The following CMC2 variants were observed in gnomAD, a reference collection of about 807,000 sequenced individuals.
CMC2 encodes the protein COX assembly mitochondrial protein 2 homolog.
A neutral mutation model predicts 7.5 loss-of-function variants in CMC2; 5 were observed. The observed-to-expected ratio is 0.66, with a 90% CI of 0.35 to 1.40. The LOEUF is 1.40. Among genes scored for constraint, CMC2 ranks in the 40% most tolerant of loss-of-function variants. The probability of loss-of-function intolerance (pLI) is 0.04; values close to 1 mark genes in which losing one functional copy is unlikely to be tolerated. For synonymous variants in CMC2, 37 were observed against 31.4 expected (o/e 1.18, Z -0.60); for missense variants, 115 against 92.3 (o/e 1.25, Z -1.01).
chr16:80,987,310 G>A (rs1967618631), intron 2 of CMC2, among the ~76,000 whole-genome samples: 1 of 152,110 alleles, frequency 6.6e-6, no homozygotes, highest in Non-Finnish European at 1.5e-5. Flanking sequence ...GAGAAAAAGG[G>A]AAAATACAAA....
At chr16:80,992,254 A>C (rs115234409) in intron 2 of CMC2, among the ~76,000 whole-genome samples, 2,127 of 152,318 alleles carry the variant, frequency 0.014, 47 homozygotes, top group African/African-American at 0.048. Context: ...AGGTCGTTCA[A>C]CTACTTTACG....
intron 2 of CMC2, among the ~76,000 whole-genome samples, chr16:80,992,930 G>A (rs995944548): frequency 6.6e-6 from 1 of 151,956 alleles, no homozygotes; most frequent in Non-Finnish European, 1.5e-5. Context: ...GGCCTCAAAC[G>A]ATCCTTTATC....
rs1912247951 is a variant in CMC2, at chr16:80,975,791, GGA to G, written c.*300_*301del. The G allele has an allele frequency of 5.1e-6, 1 of 194,236 alleles. No individual in the cohort carries two copies. Among genetic ancestry groups the G allele is most frequent in the Non-Finnish European group, 1.0e-5 (1 of 96,012 alleles). 12.0% of individuals were successfully genotyped at this position (194,236 alleles called of 1,614,324 possible). ...TAATGCCAAAAGAATCTAAGAGAAAGGAGAAAAAAATTATTTAAATTATTTTA... is the reference window on the plus strand; with the variant it reads ...TAATGCCAAAAGAATCTAAGAGAAAGGAAAAAAATTATTTAAATTATTTTA... On this transcript the variant is annotated 3_prime_UTR_variant, in exon 4 of 4. Coordinates refer to ENST00000219400, the MANE Select transcript of CMC2 (RefSeq NM_020188.5).
At chr16:80,983,201 G>C (rs1326399801) in intron 2 of CMC2, 1 of 151,560 alleles carries the variant, frequency 6.6e-6, no homozygotes, top group African/African-American at 2.4e-5. Flanking sequence ...CTATCAGTAA[G>C]GCTTTCAGAC....
chr16:80,980,003 T>C (rs1567507910), intron 3 of CMC2, among the ~76,000 whole-genome samples: 1 of 151,066 alleles, frequency 6.6e-6, no homozygotes, highest in Non-Finnish European at 1.5e-5. Context: ...ACTGCAGCCA[T>C]GAACTCCTGG....
chr16:81,006,385 G>C (rs1411005012), intron 1 of CMC2: 2 of 152,226 alleles, frequency 1.3e-5, no homozygotes, highest in African/African-American at 2.4e-5. Context: ...CTGTGTTGAG[G>C]GCTCCATTCC....
chr16:80,978,225 A>C, intron 3 of CMC2: 1 of 1,033,040 alleles, frequency 9.7e-7, no homozygotes, highest in Non-Finnish European at 1.2e-6. Context: ...GCTCTGAGAA[A>C]AAGCTTTCAT....
intron 1 of CMC2, among the ~76,000 whole-genome samples, chr16:81,001,680 A>T (rs1251599503): frequency 6.6e-6 from 1 of 151,576 alleles, no homozygotes; most frequent in Non-Finnish European, 1.5e-5. Context: ...TCAAGCTGTT[A>T]AAAAAAAACC....
intron 2 of CMC2, among the ~76,000 whole-genome samples, chr16:80,987,998 G>C (rs1006697414): frequency 2.0e-5 from 3 of 151,518 alleles, no homozygotes; most frequent in Non-Finnish European, 4.4e-5. Context: ...CAACACAGGA[G>C]AGCCTGTCTC....
rs745925758 is a variant in CMC2, at chr16:80,975,769, T to C, written c.*324A>G. 10 of 176,426 alleles carry C rather than the reference T, an allele frequency of 5.7e-5. No homozygotes were observed. Among genetic ancestry groups the C allele is most frequent in the Admixed American group, 1.7e-4 (3 of 17,230 alleles). The allele number at this position is 176,426 out of a possible 1,614,324, so 10.9% of individuals were successfully genotyped here. On this transcript the variant is annotated 3_prime_UTR_variant, in exon 4 of 4. Transcript: ENST00000219400. ...GCCTAATGGCAACATTTTCCTCTAA[T>C]GCCAAAAGAATCTAAGAGAAAGGAG...
chr16:80,987,101 T>G (rs889343932), intron 2 of CMC2, among the ~76,000 whole-genome samples: 2 of 152,200 alleles, frequency 1.3e-5, no homozygotes, highest in African/African-American at 4.8e-5. Context: ...AGTAGTGCAG[T>G]CATTAGTGAT....
At position 80,969,796 on chromosome 16, in the gene CMC2, A is replaced by G. The variant is rs1044194474; in HGVS notation, c.*6297T>C. ...TCCCAGCTACTTGGGAGGCTGAGGC[A>G]CAAGAATCACTTGAACCCAGGCAGC... On this transcript the variant is annotated 3_prime_UTR_variant, in exon 4 of 4. Coordinates refer to ENST00000219400, the MANE Select transcript of CMC2 (RefSeq NM_020188.5). The G allele has an allele frequency of 6.8e-6, 1 of 146,050 alleles. No homozygotes were observed. Among genetic ancestry groups the G allele is most frequent in the Non-Finnish European group, 1.5e-5 (1 of 67,716 alleles). 9.0% of individuals were successfully genotyped at this position (146,050 alleles called of 1,614,324 possible).
chr16:81,002,722 T>A (rs574067775), intron 1 of CMC2, among the ~76,000 whole-genome samples: 1 of 152,314 alleles, frequency 6.6e-6, no homozygotes, highest in African/African-American at 2.4e-5. Context: ...CAAATACATA[T>A]GCTATTGTCA....
chr16:80,979,918 G>A (rs556838724), intron 3 of CMC2, among the ~76,000 whole-genome samples: 49 of 151,834 alleles, frequency 3.2e-4, no homozygotes, highest in Non-Finnish European at 5.3e-4. Flanking sequence ...CACCACACCC[G>A]GCCAATATTA....
Position 80,976,182 on chromosome 16 carries a change from G to GA in CMC2, c.154-4dup. 6.5e-7 allele frequency: 1 copy of GA among 1,538,684 alleles called. No individual in the cohort carries two copies. The highest frequency in any genetic ancestry group is 8.9e-7 in the Non-Finnish European group (1 of 1,123,692). On this transcript the variant is annotated splice_region_variant and splice_polypyrimidine_tract_variant and intron_variant, in intron 3 of 3. Transcript: ENST00000219400. ...CTCTTGGTCCTGTTTTCTACGTACT[G>GA]AAAAATAAAAGAAGGGGGGGAGAAA...
chr16:80,978,332 CAATAA>C, intron 3 of CMC2: 1 of 1,260,918 alleles, frequency 7.9e-7, no homozygotes, highest in Non-Finnish European at 1.0e-6. Context: ...TGTAGCAGGC[CAATAA>C]AATAAGTTAC....
chr16:80,988,236 G>A (rs151300364), intron 2 of CMC2, among the ~76,000 whole-genome samples: 39 of 152,212 alleles, frequency 2.6e-4, no homozygotes, highest in African/African-American at 8.4e-4. Flanking sequence ...CAGAATTATG[G>A]TTGTTTTAAG....
In CMC2 at chr16:80,967,817, G is replaced by C. The variant is rs1201401362; in HGVS notation, c.*8276C>G. 1.3e-5 allele frequency: 2 copies of C among 152,184 alleles called. No homozygotes were observed. The highest frequency in any genetic ancestry group is 4.8e-5 in the African/African-American group (2 of 41,444). 9.4% of individuals were successfully genotyped at this position (152,184 alleles called of 1,614,324 possible). On this transcript the variant is annotated 3_prime_UTR_variant, in exon 4 of 4. Coordinates refer to ENST00000219400, the MANE Select transcript of CMC2 (RefSeq NM_020188.5). Reference sequence around the variant, plus strand: ...CTTTCTTAGCCCTCTACTCGCCAGAGTTGAGGAAAAAGTAAATGCCCTGAG... The same window carrying C: ...CTTTCTTAGCCCTCTACTCGCCAGACTTGAGGAAAAAGTAAATGCCCTGAG...
chr16:80,972,696 T>C lies in CMC2; in HGVS notation c.*3397A>G, dbSNP rs1206584046. On this transcript the variant is annotated 3_prime_UTR_variant, in exon 4 of 4. Coordinates refer to ENST00000219400, the MANE Select transcript of CMC2 (RefSeq NM_020188.5). ...CCTAAGTTCTTCAGCTTCCAAGAGA[T>C]GGTCTCTTATGACCCAAAAGTTTAC... 1 of 152,202 alleles carries C rather than the reference T, an allele frequency of 6.6e-6. No individual in the cohort carries two copies. The highest frequency in any genetic ancestry group is 2.4e-5 in the African/African-American group (1 of 41,446). The allele number at this position is 152,202 out of a possible 1,614,324, so 9.4% of individuals were successfully genotyped here.
Sources: gnomAD v4.1 joint callset for allele counts (sites outside exome capture counted in the v4.1 genomes callset) on GRCh38, gnomAD v4.1.1 for gene constraint, MANE v1.5 for transcripts, NCBI Gene and HGNC (gene_info 2026-07-23, HGNC 2026-07-21) for gene names.